Variants in ANK1 observed in about 807,000 individuals in gnomAD.
ANK1 encodes ankyrin-1.
A neutral mutation model predicts 210.4 loss-of-function variants in ANK1; 51 were observed. The observed-to-expected ratio is 0.24, with a 90% CI of 0.19 to 0.31. The LOEUF (loss-of-function observed/expected upper bound fraction) is 0.31, where lower values mean the gene tolerates loss of function less well. Among genes scored for constraint, ANK1 ranks in the 10% least tolerant of loss-of-function variants. The pLI, the probability that ANK1 is intolerant of heterozygous loss-of-function variation, is 1.00. For synonymous variants in ANK1, 967 were observed against 1,025.9 expected (o/e 0.94, Z 1.10); for missense variants, 2,051 against 2,504.4 (o/e 0.82, Z 3.86).
rs1427446596 is a variant in ANK1, at chr8:41,694,507, G to A, written c.3327+85C>T. Reference sequence around the variant, plus strand: ...TTTCAAAGCACCAGACAAAAGTGTGGGGATGTCCTGGGGAAGAGGGTGGCC... The same window carrying A: ...TTTCAAAGCACCAGACAAAAGTGTGAGGATGTCCTGGGGAAGAGGGTGGCC... On this transcript the variant is annotated intron_variant, in intron 28 of 42. Coordinates refer to ENST00000289734, the MANE Select transcript of ANK1 (RefSeq NM_000037.4). This position sits in a 1 kb window ranked among gnomAD's most constrained non-coding sequence, Gnocchi z 5.7. 3.1e-6 allele frequency: 4 copies of A among 1,309,170 alleles called. No individual in the cohort carries two copies. The highest frequency in any genetic ancestry group is 4.3e-6 in the Non-Finnish European group (4 of 929,402). 81.1% of individuals were successfully genotyped at this position (1,309,170 alleles called of 1,614,324 possible). A position where few individuals can be genotyped will look rare whatever the true frequency, so the allele number is the denominator to read the frequency against.
At chr8:41,821,972 C>T (rs1392705218) in intron 1 of ANK1, among the ~76,000 whole-genome samples, 1 of 151,776 alleles carries the variant, frequency 6.6e-6, no homozygotes, top group Non-Finnish European at 1.5e-5. Context: ...ATCGCTTGAA[C>T]CCAGGAGGCA....
intron 2 of ANK1, among the ~76,000 whole-genome samples, chr8:41,739,824 G>A (rs1219225986): frequency 1.3e-5 from 2 of 152,014 alleles, no homozygotes; most frequent in African/African-American, 2.4e-5. Flanking sequence ...GAGTGTTCTT[G>A]ACCTCCCTCA....
In ANK1 at chr8:41,654,700, T is replaced by C. The variant is rs773270510; in HGVS notation, c.*1090A>G. On this transcript the variant is annotated 3_prime_UTR_variant, in exon 43 of 43. Transcript: ENST00000289734. The stretch of plus-strand genomic sequence containing the variant: ...CTGTACGTACTGCTAAATGTTTCTA[T>C]TGGTTTGCATAGTATTTATTGTTTT... 7 of 152,666 alleles carry C rather than the reference T, an allele frequency of 4.6e-5. No homozygotes were observed. Among genetic ancestry groups the C allele is most frequent in the Non-Finnish European group, 1.0e-4 (7 of 68,036 alleles). The allele number at this position is 152,666 out of a possible 1,614,324, so 9.5% of individuals were successfully genotyped here.
intron 1 of ANK1, among the ~76,000 whole-genome samples, chr8:41,846,448 C>T (rs960871361): frequency 6.6e-6 from 1 of 152,252 alleles, no homozygotes; most frequent in African/African-American, 2.4e-5. Context: ...TGGGCTGCAG[C>T]TCGTGCAGAC....
intron 1 of ANK1, among the ~76,000 whole-genome samples, chr8:41,807,770 G>A (rs569056282): frequency 2.0e-5 from 3 of 152,238 alleles, no homozygotes; most frequent in African/African-American, 7.2e-5. Context: ...TTCAAAGGAC[G>A]CTAGTTGAAG....
chr8:41,845,156 A>T (rs1029635962), intron 1 of ANK1, among the ~76,000 whole-genome samples: 1 of 152,162 alleles, frequency 6.6e-6, no homozygotes, highest in Non-Finnish European at 1.5e-5. Flanking sequence ...AGGCCGAGGC[A>T]GGCGGATTGC....
intron 16 of ANK1, among the ~76,000 whole-genome samples, chr8:41,709,742 C>T (rs1825648180): frequency 6.6e-6 from 1 of 152,116 alleles, no homozygotes; most frequent in South Asian, 2.1e-4. Flanking sequence ...TGAGACCAGC[C>T]TGGGCAACAT....
At chr8:41,890,797 T>C (rs1399812465) in intron 1 of ANK1, among the ~76,000 whole-genome samples, 1 of 149,826 alleles carries the variant, frequency 6.7e-6, no homozygotes, top group Non-Finnish European at 1.5e-5. Flanking sequence ...GAATTCAAGG[T>C]GGGGGAAACA....
chr8:41,885,085 G>A (rs140220081), intron 1 of ANK1, among the ~76,000 whole-genome samples: 192 of 152,128 alleles, frequency 1.3e-3, no homozygotes, highest in Non-Finnish European at 2.4e-3. Flanking sequence ...AGGGGCTCTC[G>A]CTGCAAGATA....
intron 17 of ANK1, 24 bp downstream of exon 17, chr8:41,708,754 C>T: frequency 6.2e-7 from 1 of 1,612,370 alleles, no homozygotes; most frequent in Non-Finnish European, 8.5e-7. Context: ...CACTCCAGGG[C>T]AGATCCGAAG....
intron 5 of ANK1, among the ~76,000 whole-genome samples, chr8:41,726,325 C>T (rs1437910051): frequency 6.6e-6 from 1 of 152,296 alleles, no homozygotes; most frequent in East Asian, 1.9e-4. Context: ...CAGAACATTA[C>T]TAACACCGAC....
At chr8:41,863,988 T>A (rs1813792146) in intron 1 of ANK1, among the ~76,000 whole-genome samples, 1 of 152,182 alleles carries the variant, frequency 6.6e-6, no homozygotes, top group Admixed American at 6.5e-5. Flanking sequence ...CTCACACCTG[T>A]AATCCCAGCA....
intron 1 of ANK1, among the ~76,000 whole-genome samples, chr8:41,845,465 T>C (rs755579082): frequency 4.3e-4 from 65 of 151,974 alleles, no homozygotes; most frequent in Non-Finnish European, 4.6e-4. Context: ...TCTCTTTTCA[T>C]TTCTCCTGCT....
intron 33 of ANK1, 102 bp from the exon 34 acceptor site, chr8:41,688,691 A>C (rs1247841331): frequency 1.0e-6 from 1 of 983,548 alleles, no homozygotes; most frequent in African/African-American, 1.6e-5. Context: ...GGCTGACCCC[A>C]GTCCTGGTAA....
At chr8:41,657,207 G>A (rs1202967970) in intron 42 of ANK1, among the ~76,000 whole-genome samples, 1 of 152,118 alleles carries the variant, frequency 6.6e-6, no homozygotes, top group Admixed American at 6.5e-5. Context: ...AAAGAAAAAA[G>A]CTGCCTTTTC....
At chr8:41,714,595 T>C (rs75288634) in intron 15 of ANK1, among the ~76,000 whole-genome samples, 5,639 of 152,248 alleles carry the variant, frequency 0.037, 191 homozygotes, top group African/African-American at 0.094. Context: ...GTGCAGTGGC[T>C]CACACCTGTA....
At chr8:41,803,465 G>A (rs1370816509) in intron 1 of ANK1, 1 of 152,134 alleles carries the variant, frequency 6.6e-6, no homozygotes, top group African/African-American at 2.4e-5. Flanking sequence ...AATTGACCAT[G>A]ATTCTCTTTG....
Position 41,655,752 on chromosome 8 carries a change from T to C in ANK1, c.*38A>G. On this transcript the variant is annotated splice_region_variant and 3_prime_UTR_variant, in exon 43 of 43. Coordinates refer to ENST00000289734, the MANE Select transcript of ANK1 (RefSeq NM_000037.4). ...TCAGGGGTTGGGTGTCGAGGTGTGA[T>C]CCTGGGAGACACAAAGAGAGAAGGA... The C allele has an allele frequency of 6.2e-7, 1 of 1,614,030 alleles. No individual in the cohort carries two copies. Among genetic ancestry groups the C allele is most frequent in the South Asian group, 1.1e-5 (1 of 91,082 alleles).
chr8:41,763,889 C>CTTTTTTTTTTTTTTTT lies in ANK1; in HGVS notation c.28-5768_28-5753dup, dbSNP rs869100297. 5.0e-3 allele frequency among the ~76,000 whole-genome samples: 291 copies of CTTTTTTTTTTTTTTTT among 57,820 alleles called. 1 individual carries two copies. The highest frequency in any genetic ancestry group is 8.3e-3 in the African/African-American group (119 of 14,400). The allele number at this position is 57,820 out of a possible 152,430, so 37.9% of individuals were successfully genotyped here. A position where few individuals can be genotyped will look rare whatever the true frequency, so the allele number is the denominator to read the frequency against. ...TTCTTCTTTCTTTTTTTCTTTTTTT[C>CTTTTTTTTTTTTTTTT]TTTTTTTTTTTTTTTTTTTTTTTTT... On this transcript the variant is annotated intron_variant, in intron 1 of 42. Transcript: ENST00000289734.
Sources: gnomAD v4.1 joint callset for allele counts (sites outside exome capture counted in the v4.1 genomes callset) on GRCh38, gnomAD v4.1.1 for gene constraint, Gnocchi (gnomAD v3.1) non-coding constraint, MANE v1.5 for transcripts, NCBI Gene and HGNC (gene_info 2026-07-23, HGNC 2026-07-21) for gene names.